The following ERC2 variants were observed in gnomAD, a reference collection of about 807,000 sequenced individuals.
ERC2 encodes ERC protein 2.
ERC2 carries 42 observed loss-of-function variants against 114.8 expected under a neutral mutation model. The observed-to-expected ratio is 0.37, with a 90% CI of 0.29 to 0.47. ERC2 has a LOEUF of 0.47. Ranked by LOEUF, ERC2 falls within the 20% of genes least tolerant of loss-of-function variation. The pLI is 0.99. For missense variants in ERC2, 939 were observed against 1,150.7 expected (o/e 0.82, Z 2.66); for synonymous variants, 454 against 425.5 (o/e 1.07, Z -0.82).
intron 3 of ERC2, among the ~76,000 whole-genome samples, chr3:56,238,568 G>C (rs1276614239): frequency 2.0e-5 from 3 of 152,240 alleles, no homozygotes; most frequent in African/African-American, 7.2e-5. Context: ...TCTTTAGTCT[G>C]CAGGGCTGGC....
At chr3:55,652,121 C>T (rs540876601) in intron 17 of ERC2, among the ~76,000 whole-genome samples, 1 of 152,206 alleles carries the variant, frequency 6.6e-6, no homozygotes, top group Non-Finnish European at 1.5e-5. Context: ...TTCTGTGGGC[C>T]TTTGCTAATT....
At chr3:55,775,785 A>G (rs2068561205) in intron 14 of ERC2, among the ~76,000 whole-genome samples, 2 of 152,292 alleles carry the variant, frequency 1.3e-5, no homozygotes, top group South Asian at 4.1e-4. Flanking sequence ...TTACAACAGC[A>G]GACAATTAGT....
chr3:55,597,013 A>G (rs553204489), intron 17 of ERC2, among the ~76,000 whole-genome samples: 1 of 152,352 alleles, frequency 6.6e-6, no homozygotes, highest in African/African-American at 2.4e-5. Flanking sequence ...AATTCTCTTC[A>G]AGTACATATG....
intron 2 of ERC2, among the ~76,000 whole-genome samples, chr3:56,309,397 G>A (rs2056411047): frequency 6.6e-6 from 1 of 152,200 alleles, no homozygotes; most frequent in Non-Finnish European, 1.5e-5. Flanking sequence ...TGTACACAAA[G>A]AGGAGTTCTG....
At chr3:56,026,704 TA>T (rs1294507552) in intron 7 of ERC2, among the ~76,000 whole-genome samples, 1 of 152,238 alleles carries the variant, frequency 6.6e-6, no homozygotes, top group Non-Finnish European at 1.5e-5. Context: ...TAGTTTCTGC[TA>T]ATGGTAACAT....
chr3:56,147,222 G>T (rs2081187712), intron 5 of ERC2, among the ~76,000 whole-genome samples: 1 of 152,210 alleles, frequency 6.6e-6, no homozygotes, highest in Non-Finnish European at 1.5e-5. Flanking sequence ...TACTGTGCTT[G>T]CCGAACCTCG....
chr3:56,213,728 C>G (rs931251811), intron 3 of ERC2, among the ~76,000 whole-genome samples: 1 of 152,190 alleles, frequency 6.6e-6, no homozygotes, highest in Non-Finnish European at 1.5e-5. Context: ...TCAAGTGGGT[C>G]CCTGACTCCC....
chr3:55,567,617 C>T (rs1416462068), intron 17 of ERC2, among the ~76,000 whole-genome samples: 1 of 151,884 alleles, frequency 6.6e-6, no homozygotes, highest in African/African-American at 2.4e-5. Flanking sequence ...AAGAAAGGGA[C>T]AGTGGTGAGG....
At chr3:55,523,617 A>G (rs1424408355) in intron 17 of ERC2, among the ~76,000 whole-genome samples, 4 of 152,118 alleles carry the variant, frequency 2.6e-5, no homozygotes, top group Non-Finnish European at 5.9e-5. Context: ...GGCATCAGAC[A>G]TTTGTGTTAG....
Position 55,709,354 on chromosome 3 carries a change from TA to T in ERC2, c.2713-9843del, listed in dbSNP as rs549526539. Reference sequence around the variant, plus strand: ...CTGCTCAACAGTTACATATTTACTCTAAAATATATTAAAATAAATTATAACA... The same window carrying T: ...CTGCTCAACAGTTACATATTTACTCTAAATATATTAAAATAAATTATAACA... On this transcript the variant is annotated intron_variant, in intron 15 of 17. Transcript: ENST00000288221. Among the ~76,000 whole-genome samples, 19 of 152,334 alleles carry T rather than the reference TA, an allele frequency of 1.2e-4. 2 individuals are homozygous for T. In the South Asian group the frequency reaches 3.7e-3, roughly 30 times the overall value.
chr3:55,819,650 G>T (rs2060040491), intron 14 of ERC2, among the ~76,000 whole-genome samples: 1 of 152,206 alleles, frequency 6.6e-6, no homozygotes, highest in South Asian at 2.1e-4. Context: ...AGAAAGGAAA[G>T]GCTCTGGAGC....
intron 17 of ERC2, among the ~76,000 whole-genome samples, chr3:55,557,000 A>C (rs561366721): frequency 6.6e-6 from 1 of 152,332 alleles, no homozygotes; most frequent in South Asian, 2.1e-4. Context: ...ACACACACAT[A>C]GACCCAGAGT....
At position 55,888,421 on chromosome 3, in the gene ERC2, C is replaced by T. The variant is rs370136377; in HGVS notation, c.2532G>A (p.Arg844=). The T allele has an allele frequency of 1.5e-4, 242 of 1,613,884 alleles. No homozygotes were observed. The Middle Eastern group carries it at 1.8e-3, about 12-fold the overall frequency. ...CCAGGATCTCCTCCAGCTGTTTCCTCCTCTCAATCCGGAGGTTGGCCAAGT... is the reference window on the plus strand; with the variant it reads ...CCAGGATCTCCTCCAGCTGTTTCCTTCTCTCAATCCGGAGGTTGGCCAAGT... ...EAHLANLRIE[R]RKQLEEILEM... is the part of the protein sequence containing the mutation. The change falls in exon 14 of 18, where the codon AGG becomes AGA. Residue 844 remains arginine (R), a synonymous_variant. Coordinates refer to ENST00000288221, the MANE Select transcript of ERC2 (RefSeq NM_015576.3).
intron 2 of ERC2, among the ~76,000 whole-genome samples, chr3:56,336,805 G>A (rs1258481165): frequency 6.6e-6 from 1 of 152,066 alleles, no homozygotes; most frequent in African/African-American, 2.4e-5. Context: ...TTATGTGGCT[G>A]AAAAGGAAGA....
chr3:55,948,790 T>C (rs1250420687), intron 13 of ERC2, among the ~76,000 whole-genome samples: 2 of 152,204 alleles, frequency 1.3e-5, no homozygotes, highest in Non-Finnish European at 2.9e-5. Flanking sequence ...AGACAAAAAC[T>C]TTGATGCTCA....
intron 14 of ERC2, among the ~76,000 whole-genome samples, chr3:55,782,090 T>C (rs142662563): frequency 2.1e-3 from 314 of 152,200 alleles, no homozygotes; most frequent in South Asian, 0.017. Context: ...GCATCTCACA[T>C]TGGTTCCCAC....
chr3:55,576,260 G>A (rs1464750050), intron 17 of ERC2, among the ~76,000 whole-genome samples: 1 of 150,312 alleles, frequency 6.7e-6, no homozygotes, highest in Non-Finnish European at 1.5e-5. Context: ...AGTGAGCTGA[G>A]ATCACGCCAT....
At chr3:55,949,173 T>C (rs748599594) in intron 13 of ERC2, among the ~76,000 whole-genome samples, 4 of 152,020 alleles carry the variant, frequency 2.6e-5, no homozygotes, top group Non-Finnish European at 5.9e-5. Flanking sequence ...ATGGAGACCA[T>C]CCTGGCTAAC....
chr3:56,162,944 T>C (rs947166032), intron 4 of ERC2, among the ~76,000 whole-genome samples: 1 of 152,080 alleles, frequency 6.6e-6, no homozygotes, highest in African/African-American at 2.4e-5. Flanking sequence ...CTAGTTTTTC[T>C]AGGTGTGATG....
Sources: allele counts gnomAD v4.1 joint callset (sites outside exome capture counted in the v4.1 genomes callset), GRCh38; gene constraint gnomAD v4.1.1; transcripts MANE v1.5; gene names NCBI Gene and HGNC (gene_info 2026-07-23, HGNC 2026-07-21).